The following ABCC5 variants were observed in gnomAD, a reference collection of about 807,000 sequenced individuals.
The protein encoded by ABCC5 is ATP binding cassette subfamily C member 5.
A neutral mutation model predicts 160.9 loss-of-function variants in ABCC5; 61 were observed. The ratio of observed to expected loss-of-function variants is 0.38; its 90% CI spans 0.31 to 0.47. The LOEUF is 0.47. Among genes scored for constraint, ABCC5 ranks in the 20% least tolerant of loss-of-function variants. The pLI, the probability that ABCC5 is intolerant of heterozygous loss-of-function variation, is 0.99. For synonymous variants in ABCC5, 666 were observed against 700.6 expected (o/e 0.95, Z 0.78); for missense variants, 1,308 against 1,813.3 (o/e 0.72, Z 5.06).
chr3:183,972,837 G>C (rs559886674), intron 10 of ABCC5, among the ~76,000 whole-genome samples: 2 of 151,988 alleles, frequency 1.3e-5, no homozygotes, highest in Non-Finnish European at 2.9e-5. Flanking sequence ...GTAGAGATGG[G>C]GTTTCACTAT....
At chr3:183,968,581 C>T (rs1322142447) in intron 11 of ABCC5, among the ~76,000 whole-genome samples, 2 of 152,150 alleles carry the variant, frequency 1.3e-5, no homozygotes, top group Non-Finnish European at 2.9e-5. Flanking sequence ...AATATTTATA[C>T]CATCAATCCC....
Position 183,951,923 on chromosome 3 carries a change from G to A in ABCC5, c.2748C>T (p.Ser916=). 1 of 1,614,090 alleles carries A rather than the reference G, an allele frequency of 6.2e-7. No homozygotes were observed. Among genetic ancestry groups the A allele is most frequent in the Non-Finnish European group, 8.5e-7 (1 of 1,179,958 alleles). The change falls in exon 19 of 30, where the codon AGC becomes AGT. Residue 916 remains serine, a synonymous_variant. Transcript: ENST00000334444. This position sits in a 1 kb window ranked among gnomAD's most constrained non-coding sequence, Gnocchi z 4.7. ...TGACTGCCATGGAGAGGGCGTAGAT[G>A]CTGGCATAGTACTGCATATGAGGAT... The part of the protein sequence containing the change: ...KDNPHMQYYA[S]IYALSMAVML...
chr3:183,987,923 C>G lies in ABCC5; in HGVS notation c.444-6G>C, dbSNP rs1719372939. 3.1e-6 allele frequency: 5 copies of G among 1,613,710 alleles called. No homozygotes were observed. In the East Asian group the frequency reaches 1.1e-4, roughly 36 times the overall value. On this transcript the variant is annotated splice_region_variant and splice_polypyrimidine_tract_variant and intron_variant, in intron 4 of 29. Transcript: ENST00000334444. The surrounding 1 kb of genome is among the most constrained non-coding windows in gnomAD (Gnocchi z 4.2). ...CTTGCCACAGTCTCTCTAGTCTTAA[C>G]AAGGGCACACGTCCTCGTTACACAT...
chr3:183,958,002 A>G (rs35621685), intron 17 of ABCC5, among the ~76,000 whole-genome samples: 2,488 of 84,618 alleles, frequency 0.029, 14 homozygotes, highest in Admixed American at 0.035. Flanking sequence ...GGTTACATGC[A>G]GATCCGTGTG....
intron 5 of ABCC5, chr3:183,985,030 T>C: frequency 1.3e-6 from 1 of 768,400 alleles, no homozygotes; most frequent in Non-Finnish European, 2.1e-6. Flanking sequence ...AGTGAATGTT[T>C]ACACTATGCG....
chr3:183,988,473 C>T lies in ABCC5; in HGVS notation c.443+99G>A, dbSNP rs1377776127. 1 of 1,471,916 alleles carries T rather than the reference C, an allele frequency of 6.8e-7. No homozygotes were observed. Among genetic ancestry groups the T allele is most frequent in the African/African-American group, 1.4e-5 (1 of 70,768 alleles). 91.2% of individuals were successfully genotyped at this position (1,471,916 alleles called of 1,614,324 possible). ...AGGCCGCCCGCCCTCCACTGGACAGCTCGGCTCTTTAAAGACACAGAGCTG... is the reference window on the plus strand; with the variant it reads ...AGGCCGCCCGCCCTCCACTGGACAGTTCGGCTCTTTAAAGACACAGAGCTG... On this transcript the variant is annotated intron_variant, in intron 4 of 29. Transcript: ENST00000334444. This position sits in a 1 kb window ranked among gnomAD's most constrained non-coding sequence, Gnocchi z 4.4.
intron 9 of ABCC5, among the ~76,000 whole-genome samples, chr3:183,977,947 T>C (rs1245314598): frequency 1.3e-5 from 2 of 152,088 alleles, no homozygotes; most frequent in Non-Finnish European, 2.9e-5. Flanking sequence ...GAGACAGGGT[T>C]TCACCATGTT....
At position 183,981,803 on chromosome 3, in the gene ABCC5, C is replaced by T; in HGVS notation, c.1071G>A (p.Lys357=). The stretch of plus-strand genomic sequence containing the variant: ...TAATGTAAGTAAGAACTTCATTCAT[C>T]TTCTGGACACGTTCATCCGTGGCGG... ...CVAATDERVQ[K]MNEVLTYIKF... The change falls in exon 8 of 30, where the codon AAG becomes AAA. Residue 357 remains lysine, a synonymous_variant. Transcript: ENST00000334444. The T allele has an allele frequency of 6.2e-7, 1 of 1,612,302 alleles. No homozygotes were observed. Among genetic ancestry groups the T allele is most frequent in the Non-Finnish European group, 8.5e-7 (1 of 1,179,500 alleles).
At chr3:183,976,820 G>A (rs1261827648) in intron 10 of ABCC5, among the ~76,000 whole-genome samples, 1 of 152,088 alleles carries the variant, frequency 6.6e-6, no homozygotes, top group African/African-American at 2.4e-5. Context: ...CAACATCAAG[G>A]AATTCCAGCC....
At chr3:183,953,538 T>C (rs1715583081) in intron 17 of ABCC5, among the ~76,000 whole-genome samples, 1 of 152,092 alleles carries the variant, frequency 6.6e-6, no homozygotes, top group African/African-American at 2.4e-5. Flanking sequence ...TGCCACAGAC[T>C]GGTAGGACAG....
chr3:183,953,199 C>A lies in ABCC5; in HGVS notation c.2554G>T (p.Ala852Ser), dbSNP rs1362788162. The change falls in exon 18 of 30, where the codon GCT becomes TCT. Residue 852 changes from alanine (A) to serine (S), a missense_variant. By Grantham distance (99) the Ala-to-Ser change is moderately conservative. Coordinates refer to ENST00000334444, the MANE Select transcript of ABCC5 (RefSeq NM_005688.4). ...AGGAATGCCAAGGGGCCCCCAGCAG[C>A]CTGGATGTAGACACCATATACTGAC... ...PWSVYGVYIQ[A>S]AGGPLAFLVI... is the part of the protein sequence containing the mutation. 1 of 1,614,156 alleles carries A rather than the reference C, an allele frequency of 6.2e-7. No homozygotes were observed. Among genetic ancestry groups the A allele is most frequent in the Admixed American group, 1.7e-5 (1 of 60,020 alleles).
At chr3:184,007,802 G>A (rs1259508163) in intron 2 of ABCC5, among the ~76,000 whole-genome samples, 1 of 152,060 alleles carries the variant, frequency 6.6e-6, no homozygotes. Context: ...CCTCTAGCCT[G>A]GGCTACAGAG....
At chr3:183,946,855 T>C (rs1714891968) in intron 23 of ABCC5, among the ~76,000 whole-genome samples, 1 of 152,204 alleles carries the variant, frequency 6.6e-6, no homozygotes, top group Non-Finnish European at 1.5e-5. Context: ...TCTGAGCTAT[T>C]TGAAGACCCT....
At chr3:184,011,260 G>A (rs1721716840) in intron 2 of ABCC5, 2 of 152,070 alleles carry the variant, frequency 1.3e-5, no homozygotes, top group East Asian at 1.9e-4. Context: ...TCTTTCTCCT[G>A]TACAGGTTTT....
At chr3:183,942,588 C>A in intron 25 of ABCC5, 139 bp downstream of exon 25, 2 of 1,066,808 alleles carry the variant, frequency 1.9e-6, no homozygotes, top group Non-Finnish European at 2.8e-6. Flanking sequence ...AACAATAAAC[C>A]TAGAAAATTG....
chr3:183,994,508 T>C (rs766151697), intron 2 of ABCC5, among the ~76,000 whole-genome samples: 53 of 152,150 alleles, frequency 3.5e-4, no homozygotes, highest in Non-Finnish European at 5.0e-4. Flanking sequence ...CCTGAGTTGC[T>C]GGGATTACAG....
chr3:183,999,086 T>A (rs1203926294), intron 2 of ABCC5, among the ~76,000 whole-genome samples: 27 of 115,332 alleles, frequency 2.3e-4, no homozygotes, highest in African/African-American at 7.6e-4. Flanking sequence ...GGAGACTCTG[T>A]CTCAAAAAAA....
chr3:183,946,766 A>G (rs1427242557), intron 23 of ABCC5, among the ~76,000 whole-genome samples: 2 of 152,130 alleles, frequency 1.3e-5, no homozygotes, highest in African/African-American at 4.8e-5. Context: ...ACATAATTCC[A>G]ATACCATTAT....
chr3:183,937,318 C>T (rs542285071), intron 26 of ABCC5, among the ~76,000 whole-genome samples: 2 of 152,210 alleles, frequency 1.3e-5, no homozygotes, highest in South Asian at 2.1e-4. Flanking sequence ...CGGAGGTTGC[C>T]GTGAGTCAAG....
Sources: allele counts gnomAD v4.1 joint callset (sites outside exome capture counted in the v4.1 genomes callset), GRCh38; gene constraint gnomAD v4.1.1; non-coding constraint Gnocchi (gnomAD v3.1); transcripts MANE v1.5; gene names NCBI Gene and HGNC (gene_info 2026-07-23, HGNC 2026-07-21).